The following GPC5 variants were observed in gnomAD, a reference collection of about 807,000 sequenced individuals.
GPC5 encodes glypican-5.
GPC5 carries 47 observed loss-of-function variants against 53.9 expected under a neutral mutation model. That is an observed-to-expected ratio of 0.87 (90% CI 0.69 to 1.11). GPC5 has a LOEUF of 1.11. Ranked by LOEUF, GPC5 falls within the 50% of genes most tolerant of loss-of-function variation. The pLI, the probability that GPC5 is intolerant of heterozygous loss-of-function variation, is 0.00. For missense variants in GPC5, 748 were observed against 713.1 expected (o/e 1.05, Z -0.56); for synonymous variants, 286 against 263.3 (o/e 1.09, Z -0.84).
intron 5 of GPC5, among the ~76,000 whole-genome samples, chr13:91,808,859 A>G (rs1201903337): frequency 1.3e-5 from 2 of 152,142 alleles, no homozygotes; most frequent in East Asian, 3.8e-4. Flanking sequence ...ACTATTTCTG[A>G]GCCAGTGCTA....
intron 1 of GPC5, among the ~76,000 whole-genome samples, chr13:91,405,478 A>G (rs1877252442): frequency 6.6e-6 from 1 of 152,118 alleles, no homozygotes; most frequent in Non-Finnish European, 1.5e-5. Flanking sequence ...GCTTGTTTGC[A>G]TATCTTAGCT....
chr13:92,505,646 A>G (rs1484214790), intron 7 of GPC5, among the ~76,000 whole-genome samples: 1 of 152,066 alleles, frequency 6.6e-6, no homozygotes, highest in Non-Finnish European at 1.5e-5. Flanking sequence ...TTTATACAAA[A>G]CCTACATATG....
chr13:92,431,773 A>G (rs1406418829), intron 7 of GPC5, among the ~76,000 whole-genome samples: 2 of 152,162 alleles, frequency 1.3e-5, no homozygotes, highest in Non-Finnish European at 2.9e-5. Flanking sequence ...TATTGTTCAA[A>G]TAGAAGGGAG....
chr13:92,472,310 G>C (rs1273851084), intron 7 of GPC5, among the ~76,000 whole-genome samples: 1 of 151,962 alleles, frequency 6.6e-6, no homozygotes, highest in South Asian at 2.1e-4. Flanking sequence ...TTTCCACTTT[G>C]CTGGCTGCTT....
intron 2 of GPC5, among the ~76,000 whole-genome samples, chr13:91,582,751 G>A (rs985681887): frequency 9.9e-5 from 15 of 152,152 alleles, no homozygotes; most frequent in African/African-American, 3.1e-4. Context: ...GGTGGTTCAC[G>A]CCTGTAATCC....
intron 7 of GPC5, among the ~76,000 whole-genome samples, chr13:92,406,210 A>G (rs559272118): frequency 6.6e-6 from 1 of 152,302 alleles, no homozygotes; most frequent in South Asian, 2.1e-4. Flanking sequence ...TTTTTATTGT[A>G]TATAATTAAG....
intron 6 of GPC5, among the ~76,000 whole-genome samples, chr13:92,015,438 A>G (rs934471208): frequency 1.3e-5 from 2 of 152,210 alleles, no homozygotes; most frequent in Non-Finnish European, 2.9e-5. Context: ...GCTACTGCAT[A>G]TCTTCCACCC....
intron 5 of GPC5, among the ~76,000 whole-genome samples, chr13:91,776,549 T>C (rs1246338707): frequency 6.6e-6 from 1 of 152,040 alleles, no homozygotes; most frequent in Non-Finnish European, 1.5e-5. Flanking sequence ...TTTCCAGAAA[T>C]AAAAAACTAA....
At chr13:91,764,311 C>A (rs1594538669) in intron 5 of GPC5, among the ~76,000 whole-genome samples, 1 of 152,218 alleles carries the variant, frequency 6.6e-6, no homozygotes, top group Admixed American at 6.5e-5. Context: ...GGTATATCAT[C>A]TTCTGAGCTG....
Position 92,811,004 on chromosome 13 carries a change from G to A in GPC5, c.1562-55278G>A, listed in dbSNP as rs530490734. 9.9e-5 allele frequency among the ~76,000 whole-genome samples: 15 copies of A among 152,110 alleles called. No homozygotes were observed. The South Asian group carries it at 3.1e-3, about 32-fold the overall frequency. On this transcript the variant is annotated intron_variant, in intron 7 of 7. Coordinates refer to ENST00000377067, the MANE Select transcript of GPC5 (RefSeq NM_004466.6). The stretch of plus-strand genomic sequence containing the variant: ...CAAAGTGCTGGGATTGCAGGAGTGA[G>A]CCACCGTGCCCAGCCCAGCATAATG...
chr13:91,838,781 A>G (rs1012585037), intron 5 of GPC5, among the ~76,000 whole-genome samples: 3 of 152,148 alleles, frequency 2.0e-5, no homozygotes, highest in Non-Finnish European at 2.9e-5. Context: ...AATGGTAAAC[A>G]TCTTCCATAA....
intron 7 of GPC5, among the ~76,000 whole-genome samples, chr13:92,522,315 A>T (rs181651336): frequency 9.2e-5 from 14 of 152,288 alleles, no homozygotes; most frequent in Middle Eastern, 6.8e-3. Context: ...AAACACATGC[A>T]CACGTATGTT....
intron 6 of GPC5, among the ~76,000 whole-genome samples, chr13:91,935,315 A>G (rs1394200051): frequency 6.6e-6 from 1 of 151,992 alleles, no homozygotes; most frequent in African/African-American, 2.4e-5. Flanking sequence ...CCCCCAAAGC[A>G]ATGTTATTAA....
chr13:91,852,250 A>G (rs974715649), intron 5 of GPC5, among the ~76,000 whole-genome samples: 3 of 150,130 alleles, frequency 2.0e-5, no homozygotes, highest in Non-Finnish European at 3.0e-5. Flanking sequence ...TTATATTTTT[A>G]TGTTATTTTG....
At chr13:91,848,131 A>G (rs1566301546) in intron 5 of GPC5, among the ~76,000 whole-genome samples, 1 of 152,228 alleles carries the variant, frequency 6.6e-6, no homozygotes, top group Non-Finnish European at 1.5e-5. Context: ...ATAATTATTA[A>G]TTGGAACTAA....
rs187165889 is a variant in GPC5, at chr13:92,518,839, G to T, written c.1562-347443G>T. Among the ~76,000 whole-genome samples, 308 of 152,212 alleles carry T rather than the reference G, an allele frequency of 2.0e-3. 7 individuals are homozygous for T. The highest frequency in any genetic ancestry group is 0.019 in the Admixed American group (283 of 15,282). On this transcript the variant is annotated intron_variant, in intron 7 of 7. Transcript: ENST00000377067. Reference sequence around the variant, plus strand: ...ATTAAAAGACATAGACTGGCAAATTGGATAAAGAGTCAAGACCCTTCAGTG... The same window carrying T: ...ATTAAAAGACATAGACTGGCAAATTTGATAAAGAGTCAAGACCCTTCAGTG...
intron 5 of GPC5, among the ~76,000 whole-genome samples, chr13:91,759,060 G>T (rs2037354177): frequency 6.6e-6 from 1 of 151,890 alleles, no homozygotes; most frequent in Non-Finnish European, 1.5e-5. Flanking sequence ...ATGAACTGAG[G>T]GTTTCAGAAG....
intron 6 of GPC5, among the ~76,000 whole-genome samples, chr13:92,111,051 G>T (rs2041552771): frequency 6.6e-6 from 1 of 152,102 alleles, no homozygotes; most frequent in African/African-American, 2.4e-5. Flanking sequence ...GTTTCACTTG[G>T]AATTATTTGG....
At chr13:91,674,516 C>CAT (rs1286386745) in intron 2 of GPC5, among the ~76,000 whole-genome samples, 3 of 133,830 alleles carry the variant, frequency 2.2e-5, no homozygotes, top group Non-Finnish European at 3.1e-5. Context: ...TATATATACA[C>CAT]ATATATGCGT....
Sources: allele counts gnomAD v4.1 joint callset (sites outside exome capture counted in the v4.1 genomes callset), GRCh38; gene constraint gnomAD v4.1.1; transcripts MANE v1.5; gene names NCBI Gene and HGNC (gene_info 2026-07-23, HGNC 2026-07-21).